LUZP2: variants seen among roughly 807,000 people sequenced by gnomAD.
The protein encoded by LUZP2 is leucine zipper protein 2.
Under a neutral mutation model 51.6 loss-of-function variants are expected in LUZP2, and 52 were observed. That is an observed-to-expected ratio of 1.01 (90% CI 0.81 to 1.27). LUZP2 has a LOEUF of 1.27. Among genes scored for constraint, LUZP2 ranks in the 50% most tolerant of loss-of-function variants. The pLI is 0.00. For synonymous variants in LUZP2, 154 were observed against 137.3 expected (o/e 1.12, Z -0.85); for missense variants, 436 against 395.4 (o/e 1.10, Z -0.87).
At chr11:24,583,204 C>CAT (rs1234727443) in intron 1 of LUZP2, among the ~76,000 whole-genome samples, 5 of 151,852 alleles carry the variant, frequency 3.3e-5, no homozygotes, top group African/African-American at 7.3e-5. Flanking sequence ...ATATTATGTT[C>CAT]GTATATATAT....
chr11:24,706,683 T>C (rs10834437), intron 1 of LUZP2, among the ~76,000 whole-genome samples: 47,030 of 151,778 alleles, frequency 0.31, 8,087 homozygotes, highest in East Asian at 0.75. Flanking sequence ...AATGTAATAC[T>C]TTAGGAGCCA....
intron 9 of LUZP2, among the ~76,000 whole-genome samples, chr11:25,020,931 G>A (rs1381032010): frequency 6.6e-6 from 1 of 152,004 alleles, no homozygotes; most frequent in Non-Finnish European, 1.5e-5. Flanking sequence ...TTATGAAGGG[G>A]CATTCTGAGT....
At chr11:24,602,091 T>TGC (rs1237293838) in intron 1 of LUZP2, among the ~76,000 whole-genome samples, 8 of 134,706 alleles carry the variant, frequency 5.9e-5, no homozygotes, top group African/African-American at 2.0e-4. Context: ...TGTGTATATA[T>TGC]GTATATATGT....
At chr11:24,728,991 T>C (rs571423178) in intron 1 of LUZP2, 178 bp from the exon 2 acceptor site, 25 of 388,646 alleles carry the variant, frequency 6.4e-5, no homozygotes, top group Middle Eastern at 6.9e-4. Flanking sequence ...ATGAAACTTT[T>C]GTTATAAAAT....
At chr11:24,955,102 C>T (rs961248863) in intron 7 of LUZP2, among the ~76,000 whole-genome samples, 1 of 152,018 alleles carries the variant, frequency 6.6e-6, no homozygotes, top group Non-Finnish European at 1.5e-5. Flanking sequence ...AACACTAGTA[C>T]TTACACCCGT....
intron 1 of LUZP2, among the ~76,000 whole-genome samples, chr11:24,658,707 T>A (rs1353319659): frequency 1.3e-5 from 2 of 151,794 alleles, no homozygotes; most frequent in East Asian, 1.9e-4. Context: ...GAATCTACAA[T>A]GAACTCAAAC....
Position 25,081,702 on chromosome 11 carries a change from C to T in LUZP2, c.*3044C>T, listed in dbSNP as rs1285193510. 1 of 151,912 alleles carries T rather than the reference C, an allele frequency of 6.6e-6. No homozygotes were observed. The highest frequency in any genetic ancestry group is 1.9e-4 in the East Asian group (1 of 5,182). 9.4% of individuals were successfully genotyped at this position (151,912 alleles called of 1,614,324 possible). On this transcript the variant is annotated 3_prime_UTR_variant, in exon 12 of 12. Transcript: ENST00000336930. ...TTTTAAAGGAATTAACACTTAAATC[C>T]CAACCATCCTCATATAGAATAAAAT... is the stretch of plus-strand genomic sequence containing the variant.
intron 1 of LUZP2, among the ~76,000 whole-genome samples, chr11:24,527,250 C>A (rs1850835520): frequency 6.6e-6 from 1 of 151,172 alleles, no homozygotes; most frequent in Non-Finnish European, 1.5e-5. Context: ...TGTTGATATA[C>A]TTTGATGAAA....
intron 3 of LUZP2, among the ~76,000 whole-genome samples, chr11:24,734,369 A>C (rs1356029588): frequency 1.8e-5 from 1 of 56,180 alleles, no homozygotes; most frequent in Non-Finnish European, 3.8e-5. Flanking sequence ...CACAAAAATC[A>C]GGAAAAAAAA....
chr11:24,659,300 TC>T (rs1474409490), intron 1 of LUZP2, among the ~76,000 whole-genome samples: 1 of 152,094 alleles, frequency 6.6e-6, no homozygotes, highest in Admixed American at 6.6e-5. Context: ...AAACCATCAT[TC>T]TCAGAAAACT....
At chr11:24,545,455 A>T (rs1251377356) in intron 1 of LUZP2, among the ~76,000 whole-genome samples, 1 of 150,814 alleles carries the variant, frequency 6.6e-6, no homozygotes, top group African/African-American at 2.4e-5. Flanking sequence ...CTTGTATACT[A>T]TGTGGTGTAA....
chr11:25,008,226 G>A (rs1370446915), intron 9 of LUZP2, among the ~76,000 whole-genome samples: 3 of 152,308 alleles, frequency 2.0e-5, no homozygotes, highest in East Asian at 1.9e-4. Context: ...TGTTCAGCCC[G>A]TGGCTGAGCC....
At chr11:24,746,748 T>C (rs1859396551) in intron 4 of LUZP2, among the ~76,000 whole-genome samples, 1 of 152,194 alleles carries the variant, frequency 6.6e-6, no homozygotes, top group East Asian at 1.9e-4. Context: ...GTTCATATTT[T>C]CTTATTCTTT....
At chr11:24,591,096 A>C (rs1437261071) in intron 1 of LUZP2, among the ~76,000 whole-genome samples, 1 of 152,112 alleles carries the variant, frequency 6.6e-6, no homozygotes, top group Non-Finnish European at 1.5e-5. Context: ...GTGACAGAGC[A>C]AGCCCCAATC....
chr11:24,592,434 T>A (rs1481066485), intron 1 of LUZP2, among the ~76,000 whole-genome samples: 1 of 152,188 alleles, frequency 6.6e-6, no homozygotes, highest in African/African-American at 2.4e-5. Flanking sequence ...AAAAATGATA[T>A]GAGCAAAAGC....
At chr11:24,988,484 C>T (rs1291646953) in intron 9 of LUZP2, among the ~76,000 whole-genome samples, 2 of 152,000 alleles carry the variant, frequency 1.3e-5, no homozygotes, top group East Asian at 3.9e-4. Context: ...AAAGGCATCA[C>T]AGCCAATGTT....
Position 25,033,640 on chromosome 11 carries a change from T to A in LUZP2, c.766-16398T>A, listed in dbSNP as rs181221642. ...CGTATGTATGTCCATGTGTGCTCAG[T>A]GGTTAGCTCCTACTTATAAGTGAAA... On this transcript the variant is annotated intron_variant, in intron 9 of 11. Transcript: ENST00000336930. 2.1e-4 allele frequency among the ~76,000 whole-genome samples: 32 copies of A among 152,258 alleles called. 1 individual carries two copies. The highest frequency in any genetic ancestry group is 7.0e-4 in the African/African-American group (29 of 41,576).
At chr11:24,855,246 C>G (rs1851523392) in intron 5 of LUZP2, among the ~76,000 whole-genome samples, 1 of 152,086 alleles carries the variant, frequency 6.6e-6, no homozygotes. Context: ...TTCCAAAAGA[C>G]TCCTAGATGT....
chr11:24,566,542 G>GTA (rs751586291), intron 1 of LUZP2, among the ~76,000 whole-genome samples: 2,065 of 144,270 alleles, frequency 0.014, 40 homozygotes, highest in South Asian at 0.059. Flanking sequence ...ATACACATAT[G>GTA]TATATATATA....
Sources: gnomAD v4.1 joint callset for allele counts (sites outside exome capture counted in the v4.1 genomes callset) on GRCh38, gnomAD v4.1.1 for gene constraint, MANE v1.5 for transcripts, NCBI Gene and HGNC (gene_info 2026-07-23, HGNC 2026-07-21) for gene names.